The following NOL4 variants were observed in gnomAD, a reference collection of about 807,000 sequenced individuals.
The protein encoded by NOL4 is cancer/testis antigen 125.
Under a neutral mutation model 75.9 loss-of-function variants are expected in NOL4, and 17 were observed. The observed-to-expected ratio is 0.22, with a 90% CI of 0.15 to 0.34. The LOEUF (loss-of-function observed/expected upper bound fraction) is 0.34. Ranked by LOEUF, NOL4 falls within the 10% of genes least tolerant of loss-of-function variation. The pLI is 1.00. For missense variants in NOL4, 614 were observed against 793.5 expected, an observed-to-expected ratio of 0.77 and a Z score of 2.72; for synonymous variants, 292 against 289.9, an observed-to-expected ratio of 1.01 and a Z score of -0.07.
intron 5 of NOL4, among the ~76,000 whole-genome samples, chr18:34,052,311 C>T (rs1031340113): frequency 5.3e-5 from 8 of 151,840 alleles, no homozygotes; most frequent in African/African-American, 1.5e-4. Context: ...AAGTAAATTG[C>T]CCTTACTTTG....
At chr18:33,877,994 A>C (rs947353795) in intron 10 of NOL4, among the ~76,000 whole-genome samples, 18 of 151,970 alleles carry the variant, frequency 1.2e-4, no homozygotes, top group African/African-American at 4.3e-4. Flanking sequence ...GTGAAAGAAA[A>C]CTTCAGGTGA....
intron 10 of NOL4, among the ~76,000 whole-genome samples, chr18:33,870,454 T>C (rs1208353774): frequency 1.3e-5 from 2 of 151,946 alleles, no homozygotes; most frequent in African/African-American, 2.4e-5. Context: ...GCTGATATAT[T>C]ATATTCCTGA....
At chr18:34,178,221 A>G (rs1446351435) in intron 1 of NOL4, among the ~76,000 whole-genome samples, 1 of 151,794 alleles carries the variant, frequency 6.6e-6, no homozygotes, top group Non-Finnish European at 1.5e-5. Context: ...CACAACAACC[A>G]CTAAGAAAAT....
chr18:34,185,156 A>T (rs2034357607), intron 1 of NOL4, among the ~76,000 whole-genome samples: 1 of 152,166 alleles, frequency 6.6e-6, no homozygotes, highest in Non-Finnish European at 1.5e-5. Context: ...CACTAAAGCA[A>T]TGTTGATGTT....
At chr18:34,101,423 T>C (rs1466672284) in intron 4 of NOL4, among the ~76,000 whole-genome samples, 1 of 152,076 alleles carries the variant, frequency 6.6e-6, no homozygotes, top group Non-Finnish European at 1.5e-5. Context: ...AGAAGCCCCA[T>C]GCCCCAAAAG....
At chr18:34,058,938 A>T (rs1163687860) in intron 5 of NOL4, among the ~76,000 whole-genome samples, 1 of 151,676 alleles carries the variant, frequency 6.6e-6, no homozygotes, top group Non-Finnish European at 1.5e-5. Flanking sequence ...CATCAAATTG[A>T]TTATTCTTTC....
intron 10 of NOL4, among the ~76,000 whole-genome samples, chr18:33,881,754 C>G (rs546203173): frequency 6.6e-6 from 1 of 152,164 alleles, no homozygotes; most frequent in African/African-American, 2.4e-5. Context: ...CAGGTCAATC[C>G]TAAGCCAAAA....
chr18:34,020,936 T>G (rs2075002178), intron 5 of NOL4, among the ~76,000 whole-genome samples: 4 of 152,206 alleles, frequency 2.6e-5, no homozygotes, highest in Non-Finnish European at 5.9e-5. Context: ...GCAAAAGAAA[T>G]ATTATTCAAT....
chr18:33,897,086 A>G (rs2065456437), intron 9 of NOL4, among the ~76,000 whole-genome samples: 1 of 152,194 alleles, frequency 6.6e-6, no homozygotes, highest in Non-Finnish European at 1.5e-5. Context: ...CACCAGTCAG[A>G]ATGGCTATTA....
At chr18:34,109,419 TGAG>T (rs1482099942) in intron 2 of NOL4, among the ~76,000 whole-genome samples, 2 of 152,102 alleles carry the variant, frequency 1.3e-5, no homozygotes, top group Non-Finnish European at 2.9e-5. Context: ...CTCAGGAGGC[TGAG>T]GTGGGAGGAT....
At chr18:33,979,145 T>C (rs1568161616) in intron 6 of NOL4, among the ~76,000 whole-genome samples, 1 of 152,086 alleles carries the variant, frequency 6.6e-6, no homozygotes, top group African/African-American at 2.4e-5. Context: ...AACAGATGAA[T>C]GTTTAGATTA....
chr18:33,958,146 C>T, intron 7 of NOL4, 93 bp downstream of exon 7: 1 of 1,172,354 alleles, frequency 8.5e-7, no homozygotes, highest in Non-Finnish European at 1.2e-6. Context: ...ATTAAACAAA[C>T]ATGTCTCTAA....
At chr18:34,141,137 G>C (rs2081136809) in intron 1 of NOL4, among the ~76,000 whole-genome samples, 1 of 152,196 alleles carries the variant, frequency 6.6e-6, no homozygotes, top group South Asian at 2.1e-4. Flanking sequence ...GGAAGTGAAG[G>C]ACCTCTTCAA....
chr18:34,056,503 C>T (rs1413851551), intron 5 of NOL4, among the ~76,000 whole-genome samples: 1 of 152,150 alleles, frequency 6.6e-6, no homozygotes, highest in African/African-American at 2.4e-5. Context: ...CCATGCCAAA[C>T]CGCTTGCCTC....
At chr18:33,916,298 T>G (rs1055748154) in intron 9 of NOL4, among the ~76,000 whole-genome samples, 1 of 152,086 alleles carries the variant, frequency 6.6e-6, no homozygotes, top group Non-Finnish European at 1.5e-5. Context: ...TAATGGCCTG[T>G]GTATAGGAAG....
intron 1 of NOL4, among the ~76,000 whole-genome samples, chr18:34,146,859 T>G (rs1456126399): frequency 6.6e-6 from 1 of 152,150 alleles, no homozygotes; most frequent in Non-Finnish European, 1.5e-5. Context: ...GAACATGGAA[T>G]GTTTTTCCAT....
chr18:33,863,464 G>C (rs61597343), intron 10 of NOL4, among the ~76,000 whole-genome samples: 1 of 152,022 alleles, frequency 6.6e-6, no homozygotes, highest in Admixed American at 6.5e-5. Flanking sequence ...GGGGATACAG[G>C]CATTGCATAA....
At chr18:34,182,715 T>C (rs927443890) in intron 1 of NOL4, among the ~76,000 whole-genome samples, 3 of 151,656 alleles carry the variant, frequency 2.0e-5, no homozygotes, top group Non-Finnish European at 4.4e-5. Flanking sequence ...ATAAGGATTT[T>C]TTTTAAAAAA....
chr18:34,088,460 A>G (rs1225767577), intron 5 of NOL4, among the ~76,000 whole-genome samples: 1 of 152,142 alleles, frequency 6.6e-6, no homozygotes, highest in African/African-American at 2.4e-5. Flanking sequence ...AATCCATTTA[A>G]ATGGCTGGCA....
Sources: gnomAD v4.1 joint callset for allele counts (sites outside exome capture counted in the v4.1 genomes callset) on GRCh38, gnomAD v4.1.1 for gene constraint, MANE v1.5 for transcripts, NCBI Gene and HGNC (gene_info 2026-07-23, HGNC 2026-07-21) for gene names.